The following ESRRA variants were observed in gnomAD, a reference collection of about 807,000 sequenced individuals.
The protein encoded by ESRRA is estrogen related receptor alpha.
A neutral mutation model predicts 35.6 loss-of-function variants in ESRRA; 7 were observed. The ratio of observed to expected loss-of-function variants is 0.20; its 90% CI spans 0.11 to 0.37. The LOEUF is 0.37. Among genes scored for constraint, ESRRA ranks in the 10% least tolerant of loss-of-function variants. ESRRA has a pLI of 1.00. For missense variants in ESRRA, 378 were observed against 561.7 expected (o/e 0.67, Z 3.31); for synonymous variants, 223 against 246.9 (o/e 0.90, Z 0.91).
Position 64,307,256 on chromosome 11 carries a change from C to T in ESRRA, c.77C>T (p.Ser26Phe), listed in dbSNP as rs774575272. The change falls in exon 2 of 7, where the codon TCC (serine) becomes TTC (phenylalanine). Residue 26 changes from serine to phenylalanine, a missense_variant. By Grantham distance (155) the Ser-to-Phe change is radical. Coordinates refer to ENST00000000442, the MANE Select transcript of ESRRA (RefSeq NM_004451.5). ...GCCAGCCCTGACAGTCCAAAGGGTT[C>T]CTCGGAGACAGAGACCGAGCCTCCT... ...EPASPDSPKGSSETETEPPVA... is the reference protein window; with the variant it reads ...EPASPDSPKGFSETETEPPVA... 1 of 1,613,460 alleles carries T rather than the reference C, an allele frequency of 6.2e-7. No homozygotes were observed. Among genetic ancestry groups the T allele is most frequent in the Non-Finnish European group, 8.5e-7 (1 of 1,179,724 alleles).
Position 64,316,564 on chromosome 11 carries a change from C to G in ESRRA, c.*598C>G, listed in dbSNP as rs2035273664. 1 of 355,928 alleles carries G rather than the reference C, an allele frequency of 2.8e-6. No homozygotes were observed. The highest frequency in any genetic ancestry group is 4.4e-5 in the Admixed American group (1 of 22,534). The allele number at this position is 355,928 out of a possible 1,614,324, so 22.0% of individuals were successfully genotyped here. On this transcript the variant is annotated 3_prime_UTR_variant, in exon 7 of 7. Transcript: ENST00000000442. ...AGCACTGCCTCTATGCCCTGCAGAG[C>G]AATAACACTATATTTATTTTTGGGT... is the stretch of plus-strand genomic sequence containing the variant.
chr11:64,314,348 T>A lies in ESRRA; in HGVS notation c.552T>A (p.Ala184=). The A allele has an allele frequency of 6.3e-7, 1 of 1,590,646 alleles. No homozygotes were observed. The part of the protein sequence containing the change: ...GPFPAGPLAV[A]GGPRKTAAPV... ...TCCCTGCTGGGCCCCTGGCAGTCGCTGGAGGCCCCCGGAAGACAGGTGAGA... is the reference window on the plus strand; with the variant it reads ...TCCCTGCTGGGCCCCTGGCAGTCGCAGGAGGCCCCCGGAAGACAGGTGAGA... Residue 184 remains alanine, a synonymous_variant, in exon 4 of 7, where the codon GCT becomes GCA. Transcript: ENST00000000442.
rs537111946 is a variant in ESRRA, at chr11:64,311,818, G to A, written c.326-2133G>A. Among the ~76,000 whole-genome samples, 20 of 151,588 alleles carry A rather than the reference G, an allele frequency of 1.3e-4. No individual in the cohort carries two copies. In the South Asian group the frequency reaches 3.4e-3, roughly 25 times the overall value. ...AGCGATTGTTCTCCCTCAGCCTCCCGAGTAGCTGGGACTACAGGCACACGC... is the reference window on the plus strand; with the variant it reads ...AGCGATTGTTCTCCCTCAGCCTCCCAAGTAGCTGGGACTACAGGCACACGC... On this transcript the variant is annotated intron_variant, in intron 2 of 6. Coordinates refer to ENST00000000442, the MANE Select transcript of ESRRA (RefSeq NM_004451.5).
chr11:64,314,801 C>A lies in ESRRA; in HGVS notation c.632C>A (p.Ala211Asp). 1.2e-6 allele frequency: 2 copies of A among 1,612,376 alleles called. No individual in the cohort carries two copies. The highest frequency in any genetic ancestry group is 1.7e-6 in the Non-Finnish European group (2 of 1,180,010). ...LLVVEPEKLY[A>D]MPDPAGPDGH... Reference sequence around the variant, plus strand: ...GTGGTTGAGCCTGAGAAGCTCTATGCCATGCCTGACCCCGCAGGCCCTGAT... The same window carrying A: ...GTGGTTGAGCCTGAGAAGCTCTATGACATGCCTGACCCCGCAGGCCCTGAT... The change falls in exon 5 of 7, where the codon GCC becomes GAC. Residue 211 changes from alanine to aspartate, a missense_variant. Physicochemically the swap from Ala to Asp is moderately radical, Grantham distance 126. Transcript: ENST00000000442.
At position 64,314,080 on chromosome 11, in the gene ESRRA, C is replaced by T. The variant is rs2035191546; in HGVS notation, c.442+13C>T. The T allele has an allele frequency of 6.3e-7, 1 of 1,578,784 alleles. No homozygotes were observed. The highest frequency in any genetic ancestry group is 8.6e-7 in the Non-Finnish European group (1 of 1,160,162). On this transcript the variant is annotated intron_variant, in intron 3 of 6. Coordinates refer to ENST00000000442, the MANE Select transcript of ESRRA (RefSeq NM_004451.5). ...ATGCTCAAGGAGGGTGAGCGCTGGG[C>T]AGGGGCTGGGCGAGGGCTGGGGGAG...
rs5792321 is a variant in ESRRA, at chr11:64,311,416, C to CT, written c.326-2518dup. On this transcript the variant is annotated intron_variant, in intron 2 of 6. Transcript: ENST00000000442. ...GGTTCTGAGGCTCCAGAGGGCTTGT[C>CT]TTTTTTTTTTTTTTTTTGAGACGGA... Among the ~76,000 whole-genome samples the CT allele has an allele frequency of 2.2e-3, 277 of 125,650 alleles. 1 individual carries two copies. Among genetic ancestry groups the CT allele is most frequent in the Non-Finnish European group, 3.5e-3 (205 of 58,662 alleles). The allele number at this position is 125,650 out of a possible 152,430, so 82.4% of individuals were successfully genotyped here.
intron 1 of ESRRA, chr11:64,306,913 T>G: frequency 2.8e-6 from 1 of 361,572 alleles, no homozygotes. Flanking sequence ...AGTAGGGGCT[T>G]TCTAAGCCTC....
rs748385451 is a variant in ESRRA at position 64,313,910 on chromosome 11, C to G, written c.326-41C>G. The G allele has an allele frequency of 2.8e-6, 4 of 1,426,578 alleles. No individual in the cohort carries two copies. The highest frequency in any genetic ancestry group is 1.4e-5 in the African/African-American group (1 of 70,842). The allele number at this position is 1,426,578 out of a possible 1,614,324, so 88.4% of individuals were successfully genotyped here. A position where few individuals can be genotyped will look rare whatever the true frequency, so the allele number is the denominator to read the frequency against. On this transcript the variant is annotated intron_variant, in intron 2 of 6. Transcript: ENST00000000442. The surrounding 1 kb of genome is among the most constrained non-coding windows in gnomAD (Gnocchi z 4.0). ...TCCTGTCAGCTGGGTCCCCTCCCAG[C>G]CCCGGGAGGCCGCCACTGGAGCCCT...
At position 64,316,149 on chromosome 11, in the gene ESRRA, G is replaced by C; in HGVS notation, c.*183G>C. On this transcript the variant is annotated 3_prime_UTR_variant, in exon 7 of 7. Transcript: ENST00000000442. ...CTCCCCCTCCTAGGGGGTGTCAGAA[G>C]CTGGGAACGTGTGTCCAGGCTCTGG... 1 of 681,182 alleles carries C rather than the reference G, an allele frequency of 1.5e-6. No homozygotes were observed. Among genetic ancestry groups the C allele is most frequent in the South Asian group, 2.1e-5 (1 of 47,510 alleles). 42.2% of individuals were successfully genotyped at this position (681,182 alleles called of 1,614,324 possible).
rs1159393609 is a variant in ESRRA, at chr11:64,313,847, C to A, written c.326-104C>A. The A allele has an allele frequency of 8.2e-6, 6 of 734,688 alleles. No individual in the cohort carries two copies. The highest frequency in any genetic ancestry group is 1.3e-5 in the Non-Finnish European group (6 of 448,590). 45.5% of individuals were successfully genotyped at this position (734,688 alleles called of 1,614,324 possible). ...CCCTGCTCTCCCTTTCCTCCCCATA[C>A]CCCCAGACCTGTGCTTGCCCGGGGA... is the stretch of plus-strand genomic sequence containing the variant. On this transcript the variant is annotated intron_variant, in intron 2 of 6. Coordinates refer to ENST00000000442, the MANE Select transcript of ESRRA (RefSeq NM_004451.5). This position sits in a 1 kb window ranked among gnomAD's most constrained non-coding sequence, Gnocchi z 4.0.
chr11:64,315,841 C>G lies in ESRRA; in HGVS notation c.1147C>G (p.Leu383Val). The change falls in exon 7 of 7, where the codon CTC (leucine) becomes GTC (valine). Residue 383 changes from leucine (L) to valine (V), a missense_variant. Physicochemically the swap from Leu to Val is conservative, Grantham distance 32. Coordinates refer to ENST00000000442, the MANE Select transcript of ESRRA (RefSeq NM_004451.5). ...GCGGCGGCGGGCGGGCAGGCTGCTG[C>G]TCACGCTACCGCTCCTCCGCCAGAC... ...AERRRAGRLL[L>V]TLPLLRQTAG... 1 of 1,611,274 alleles carries G rather than the reference C, an allele frequency of 6.2e-7. No homozygotes were observed. Among genetic ancestry groups the G allele is most frequent in the Non-Finnish European group, 8.5e-7 (1 of 1,178,812 alleles).
At chr11:64,307,038 C>G (rs964927610) in intron 1 of ESRRA, 130 bp from the exon 2 acceptor site, 12 of 679,212 alleles carry the variant, frequency 1.8e-5, no homozygotes, top group Non-Finnish European at 2.7e-5. Context: ...TGGACTCTGC[C>G]CCCCTTCTTC....
At position 64,314,725 on chromosome 11, in the gene ESRRA, CCT is replaced by C; in HGVS notation, c.572-13_572-12del. 1 of 1,606,754 alleles carries C rather than the reference CCT, an allele frequency of 6.2e-7. No individual in the cohort carries two copies. The highest frequency in any genetic ancestry group is 8.5e-7 in the Non-Finnish European group (1 of 1,176,864). On this transcript the variant is annotated splice_polypyrimidine_tract_variant and intron_variant, in intron 4 of 6. Transcript: ENST00000000442. ...AGATTCGAGTGCTCCTGACTCTTGTCCTCTAATTGTCACAGCAGCCCCAGTGA... is the reference window on the plus strand; with the variant it reads ...AGATTCGAGTGCTCCTGACTCTTGTCCTAATTGTCACAGCAGCCCCAGTGA...
chr11:64,309,634 TAAA>T (rs575246508), intron 2 of ESRRA, among the ~76,000 whole-genome samples: 5 of 124,630 alleles, frequency 4.0e-5, no homozygotes, highest in Non-Finnish European at 5.2e-5. Flanking sequence ...CACGTATAAT[TAAA>T]AAAAAAAAAA....
Position 64,315,163 on chromosome 11 carries a change from TG to T in ESRRA, c.910del (p.Glu304AsnfsTer9). On this transcript the variant is annotated frameshift_variant, in exon 6 of 7. Coordinates refer to ENST00000000442, the MANE Select transcript of ESRRA (RefSeq NM_004451.5). LOFTEE classifies it high-confidence loss of function. ...LDEEGARAAG[L>X]GELGAALLQL... ...GAAGAGGGGGCACGGGCAGCTGGCC[TG>T]GGGGAACTGGGGGCTGCCCTGCTGC... The T allele has an allele frequency of 6.2e-7, 1 of 1,613,018 alleles. No homozygotes were observed.
In ESRRA at chr11:64,315,092, G is replaced by A. The variant is rs371682765; in HGVS notation, c.834G>A (p.Leu278=). Residue 278 remains leucine, a synonymous_variant, in exon 6 of 7, where the codon CTG becomes CTA. Coordinates refer to ENST00000000442, the MANE Select transcript of ESRRA (RefSeq NM_004451.5). ...TGCTGGGTGTGGCCCAGCGCTCACT[G>A]CCACTGCAGGATGAGCTGGCCTTCG... The part of the protein sequence containing the change: ...VLVLGVAQRS[L]PLQDELAFAE... The A allele has an allele frequency of 9.3e-6, 15 of 1,611,976 alleles. No homozygotes were observed. In the African/African-American group the frequency reaches 1.9e-4, roughly 20 times the overall value.
Position 64,307,437 on chromosome 11 carries a change from C to T in ESRRA, c.258C>T (p.Ala86=), listed in dbSNP as rs201997221. ...KRLCLVCGDV[A]SGYHYGVASC... ...TCTGCCTGGTCTGTGGGGACGTGGC[C>T]TCCGGCTACCACTATGGTGTGGCAT... The change falls in exon 2 of 7, where the codon GCC becomes GCT. Residue 86 remains alanine, a synonymous_variant. Transcript: ENST00000000442. The T allele has an allele frequency of 3.4e-4, 523 of 1,557,280 alleles. No individual in the cohort carries two copies. The highest frequency in any genetic ancestry group is 4.2e-4 in the Non-Finnish European group (480 of 1,149,140).
chr11:64,307,142 G>C (rs927465480), intron 1 of ESRRA, 26 bp from the exon 2 acceptor site: 25 of 1,520,800 alleles, frequency 1.6e-5, no homozygotes, highest in Non-Finnish European at 2.1e-5. Context: ...GTGCTTTCCT[G>C]CGAACCTATG....
rs113980709 is a variant in ESRRA, at chr11:64,305,685, C to T, written c.-64C>T. 6.7e-6 allele frequency: 1 copy of T among 149,232 alleles called. No homozygotes were observed. The highest frequency in any genetic ancestry group is 2.4e-5 in the African/African-American group (1 of 41,014). 9.2% of individuals were successfully genotyped at this position (149,232 alleles called of 1,614,324 possible). ...CCGCGGCCCCCGGCTCACTCCGGCA[C>T]TCCGGGCCGCTCGGCCCCCATGCCT... On this transcript the variant is annotated 5_prime_UTR_variant, in exon 1 of 7. Transcript: ENST00000000442. The surrounding 1 kb of genome is among the most constrained non-coding windows in gnomAD (Gnocchi z 5.8).
Sources: gnomAD v4.1 joint callset for allele counts (sites outside exome capture counted in the v4.1 genomes callset) on GRCh38, gnomAD v4.1.1 for gene constraint, Gnocchi (gnomAD v3.1) non-coding constraint, MANE v1.5 for transcripts, NCBI Gene and HGNC (gene_info 2026-07-23, HGNC 2026-07-21) for gene names.